Variants in MYH14 observed in about 807,000 individuals in gnomAD.
MYH14 encodes the protein myosin-14.
Under a neutral mutation model 255.5 loss-of-function variants are expected in MYH14, and 123 were observed. The ratio of observed to expected loss-of-function variants is 0.48; its 90% CI spans 0.42 to 0.56. MYH14 has a LOEUF of 0.56. Among genes scored for constraint, MYH14 ranks in the 20% least tolerant of loss-of-function variants. The pLI, the probability that MYH14 is intolerant of heterozygous loss-of-function variation, is 0.00. For missense variants in MYH14, 2,423 were observed against 2,802.3 expected, an observed-to-expected ratio of 0.86 and a Z score of 3.06; for synonymous variants, 1,095 against 1,161.2, an observed-to-expected ratio of 0.94 and a Z score of 1.16.
At chr19:50,268,805 G>C (rs991427530) in intron 24 of MYH14, among the ~76,000 whole-genome samples, 2 of 152,194 alleles carry the variant, frequency 1.3e-5, no homozygotes, top group East Asian at 3.8e-4. Flanking sequence ...GATGTCCTTA[G>C]CTTCAGGCAT....
rs1382165890 is a variant in MYH14 at position 50,244,353 on chromosome 19, T to G, written c.1210+16T>G. On this transcript the variant is annotated intron_variant, in intron 11 of 42. Transcript: ENST00000642316. ...GACAACACAGGTACTGCCCCCGGCC[T>G]GCCTGCCCACGACCTCCAGCCCCCG... The G allele has an allele frequency of 1.2e-6, 2 of 1,611,062 alleles. No individual in the cohort carries two copies. The highest frequency in any genetic ancestry group is 2.2e-5 in the East Asian group (1 of 44,834).
intron 19 of MYH14, among the ~76,000 whole-genome samples, chr19:50,259,732 G>T (rs2123343781): frequency 6.6e-6 from 1 of 152,248 alleles, no homozygotes; most frequent in East Asian, 1.9e-4. Context: ...TACAAAATTA[G>T]CCGGGTGTGG....
intron 2 of MYH14, among the ~76,000 whole-genome samples, chr19:50,212,073 A>G (rs1237427247): frequency 1.3e-5 from 2 of 152,272 alleles, no homozygotes; most frequent in Middle Eastern, 3.4e-3. Flanking sequence ...CGTCTGTGCT[A>G]AGCATTGGAG....
rs150092688 is a variant in MYH14 at position 50,220,781 on chromosome 19, G to A, written c.563-2302G>A. 8.3e-3 allele frequency among the ~76,000 whole-genome samples: 1,270 copies of A among 152,198 alleles called. 15 individuals carry two copies. The highest frequency in any genetic ancestry group is 0.029 in the African/African-American group (1,206 of 41,516). ...TTGGCCGGGCTGGTCTCGAACTCCT[G>A]ACCTCAGGTGATCCGCCTACCTCAG... On this transcript the variant is annotated intron_variant, in intron 3 of 42. Transcript: ENST00000642316.
chr19:50,233,919 G>A (rs879483582), intron 10 of MYH14, among the ~76,000 whole-genome samples: 2 of 150,886 alleles, frequency 1.3e-5, no homozygotes, highest in Admixed American at 6.6e-5. Context: ...GGGTTCAAGC[G>A]ATTCTCCTGC....
intron 35 of MYH14, among the ~76,000 whole-genome samples, 179 bp from the exon 36 acceptor site, chr19:50,290,708 G>A (rs571520984): frequency 6.6e-6 from 1 of 152,304 alleles, no homozygotes; most frequent in Non-Finnish European, 1.5e-5. Flanking sequence ...TAGGTGAGAT[G>A]GGGGACTGAG....
rs2123420316 is a variant in MYH14, at chr19:50,280,405, C to T, written c.4290+22C>T. On this transcript the variant is annotated intron_variant, in intron 32 of 42. Coordinates refer to ENST00000642316, the MANE Select transcript of MYH14 (RefSeq NM_001145809.2). The surrounding 1 kb of genome is among the most constrained non-coding windows in gnomAD (Gnocchi z 4.8). ...CCAGGTGAGCAGCCCTACGTAAGACCTTCAGGGAGGCACAGCCCCCCTCAC... is the reference window on the plus strand; with the variant it reads ...CCAGGTGAGCAGCCCTACGTAAGACTTTCAGGGAGGCACAGCCCCCCTCAC... 6.6e-7 allele frequency: 1 copy of T among 1,505,148 alleles called. No homozygotes were observed. Among genetic ancestry groups the T allele is most frequent in the East Asian group, 2.5e-5 (1 of 40,262 alleles). 93.2% of individuals were successfully genotyped at this position (1,505,148 alleles called of 1,614,324 possible).
intron 22 of MYH14, among the ~76,000 whole-genome samples, chr19:50,265,727 A>G (rs963907387): frequency 1.3e-5 from 2 of 152,218 alleles, no homozygotes; most frequent in Middle Eastern, 3.4e-3. Flanking sequence ...AGGCTGAGGC[A>G]GGTGAATCGC....
At chr19:50,216,374 G>C (rs2032473260) in intron 2 of MYH14, among the ~76,000 whole-genome samples, 1 of 152,100 alleles carries the variant, frequency 6.6e-6, no homozygotes, top group South Asian at 2.1e-4. Context: ...AGGCTGTAGT[G>C]GGAGAATTAG....
intron 11 of MYH14, 90 bp from the exon 12 acceptor site, chr19:50,246,914 C>G (rs2034151079): frequency 1.1e-6 from 1 of 895,990 alleles, no homozygotes; most frequent in Non-Finnish European, 1.7e-6. Flanking sequence ...TCTGCTCCCC[C>G]AACAGTGTGG....
chr19:50,249,930 C>A (rs1363392898), intron 14 of MYH14, 107 bp downstream of exon 14: 4 of 1,405,594 alleles, frequency 2.8e-6, no homozygotes, highest in Non-Finnish European at 2.9e-6. Flanking sequence ...CAGGATGCCC[C>A]ATGGGTTCTG....
rs576011458 is a variant in MYH14, at chr19:50,221,101, C to T, written c.563-1982C>T. 7.9e-5 allele frequency among the ~76,000 whole-genome samples: 12 copies of T among 152,190 alleles called. No homozygotes were observed. The highest frequency in any genetic ancestry group is 1.9e-4 in the African/African-American group (8 of 41,524). Reference sequence around the variant, plus strand: ...GGTGGGTGTATGCTGAGGTGGGATTCGAACCCAGGGCCCCTGACCACCGCC... The same window carrying T: ...GGTGGGTGTATGCTGAGGTGGGATTTGAACCCAGGGCCCCTGACCACCGCC... On this transcript the variant is annotated intron_variant, in intron 3 of 42. Coordinates refer to ENST00000642316, the MANE Select transcript of MYH14 (RefSeq NM_001145809.2). The surrounding 1 kb of genome is among the most constrained non-coding windows in gnomAD (Gnocchi z 5.3).
Position 50,207,310 on chromosome 19 carries a change from A to AGAGAGAGG in MYH14, c.-3-3049_-3-3048insGAGGGAGA, listed in dbSNP as rs1303059650. Among the ~76,000 whole-genome samples, 12 of 148,890 alleles carry AGAGAGAGG rather than the reference A, an allele frequency of 8.1e-5. 1 individual carries two copies. Among genetic ancestry groups the AGAGAGAGG allele is most frequent in the Admixed American group, 3.3e-4 (5 of 14,934 alleles). ...GAGAGAGAGAGAGAGAGAGAGAGAG[A>AGAGAGAGG]GAGACTAGGGGCAGACTTCTTTAGC... On this transcript the variant is annotated intron_variant, in intron 1 of 42. Coordinates refer to ENST00000642316, the MANE Select transcript of MYH14 (RefSeq NM_001145809.2).
chr19:50,261,903 G>A (rs1302987558), intron 21 of MYH14, among the ~76,000 whole-genome samples: 1 of 152,150 alleles, frequency 6.6e-6, no homozygotes, highest in Non-Finnish European at 1.5e-5. Context: ...CTGGGTCTGG[G>A]TTTCCCAGGG....
At position 50,230,156 on chromosome 19, in the gene MYH14, G is replaced by T. The variant is rs1344644919; in HGVS notation, c.875-369G>T. Among the ~76,000 whole-genome samples the T allele has an allele frequency of 6.6e-6, 1 of 152,142 alleles. No individual in the cohort carries two copies. The highest frequency in any genetic ancestry group is 2.1e-4 in the South Asian group (1 of 4,828). On this transcript the variant is annotated intron_variant, in intron 8 of 42. Transcript: ENST00000642316. This position sits in a 1 kb window ranked among gnomAD's most constrained non-coding sequence, Gnocchi z 4.7. ...TTGAACTCCTGACCTCAGGTGATCC[G>T]CCTGCCTTGGCTTTCCAAAGTGTTG...
At chr19:50,226,688 G>A (rs943454367) in intron 7 of MYH14, among the ~76,000 whole-genome samples, 4 of 152,146 alleles carry the variant, frequency 2.6e-5, no homozygotes, top group African/African-American at 9.7e-5. Flanking sequence ...GGGACCAGGG[G>A]GCTGGGGAAA....
chr19:50,214,048 C>T (rs1160759947), intron 2 of MYH14, among the ~76,000 whole-genome samples: 1 of 152,172 alleles, frequency 6.6e-6, no homozygotes, highest in East Asian at 1.9e-4. Flanking sequence ...TAGTCTCAAA[C>T]TCCTGGACTC....
chr19:50,298,752 A>C lies in MYH14; in HGVS notation c.5470-2909A>C, dbSNP rs539459653. On this transcript the variant is annotated intron_variant, in intron 39 of 42. Coordinates refer to ENST00000642316, the MANE Select transcript of MYH14 (RefSeq NM_001145809.2). Reference sequence around the variant, plus strand: ...GGCAACAGAGCGAGACTCCATCTAAAAAAAAAAAAAAGAAAAGAAAAAAGA... The same window carrying C: ...GGCAACAGAGCGAGACTCCATCTAACAAAAAAAAAAAGAAAAGAAAAAAGA... Among the ~76,000 whole-genome samples, 162 of 150,854 alleles carry C rather than the reference A, an allele frequency of 1.1e-3. 1 individual carries two copies. Among genetic ancestry groups the C allele is most frequent in the African/African-American group, 3.9e-3 (162 of 41,174 alleles).
At position 50,263,382 on chromosome 19, in the gene MYH14, A is replaced by G. The variant is rs774429048; in HGVS notation, c.2656A>G (p.Lys886Glu). ...GCAGCGGAACTGCGCGGCCTACCTC[A>G]AGCTGAGACACTGGCAGTGGTGGCG... ...VMQRNCAAYL[K>E]LRHWQWWRLF... The change falls in exon 22 of 43, where the codon AAG (lysine) becomes GAG (glutamate). Residue 886 changes from lysine to glutamate, a missense_variant. Transcript: ENST00000642316. 3.7e-6 allele frequency: 6 copies of G among 1,604,596 alleles called. No individual in the cohort carries two copies. In the South Asian group the frequency reaches 6.7e-5, roughly 18 times the overall value.
Sources: allele counts gnomAD v4.1 joint callset (sites outside exome capture counted in the v4.1 genomes callset), GRCh38; gene constraint gnomAD v4.1.1; non-coding constraint Gnocchi (gnomAD v3.1); transcripts MANE v1.5; gene names NCBI Gene and HGNC (gene_info 2026-07-23, HGNC 2026-07-21).